Variants in APBB1 observed in about 807,000 individuals in gnomAD.
The protein encoded by APBB1 is amyloid beta precursor protein binding family B member 1, also known as adaptor protein FE65a2.
APBB1 carries 22 observed loss-of-function variants against 78.4 expected under a neutral mutation model. The observed-to-expected ratio is 0.28, with a 90% CI of 0.20 to 0.40. APBB1 has a LOEUF of 0.40. APBB1 is among the 10% of genes least tolerant of loss of function. APBB1 has a pLI of 1.00. For missense variants in APBB1, 749 were observed against 932.4 expected, an observed-to-expected ratio of 0.80 and a Z score of 2.56; for synonymous variants, 369 against 372.7, an observed-to-expected ratio of 0.99 and a Z score of 0.12.
intron 2 of APBB1, among the ~76,000 whole-genome samples, chr11:6,406,398 T>C (rs1848801441): frequency 6.6e-6 from 1 of 152,170 alleles, no homozygotes. Context: ...ACTAGCTTTT[T>C]TTTTTTTAAC....
intron 1 of APBB1, among the ~76,000 whole-genome samples, chr11:6,417,651 A>G (rs1849154482): frequency 6.6e-6 from 1 of 152,230 alleles, no homozygotes; most frequent in Non-Finnish European, 1.5e-5. Context: ...TCAAGGAAAA[A>G]AAATGGTGGT....
At chr11:6,409,110 T>C (rs1356565735) in intron 2 of APBB1, among the ~76,000 whole-genome samples, 1 of 152,162 alleles carries the variant, frequency 6.6e-6, no homozygotes, top group Non-Finnish European at 1.5e-5. Context: ...CTCTCTGCCA[T>C]CCAGGCTGGA....
chr11:6,412,064 C>T (rs1427167329), intron 1 of APBB1, among the ~76,000 whole-genome samples: 2 of 152,226 alleles, frequency 1.3e-5, no homozygotes. Context: ...CCTCTGCCAG[C>T]CCTCATAATG....
intron 2 of APBB1, among the ~76,000 whole-genome samples, chr11:6,407,985 T>C (rs1393659846): frequency 6.6e-6 from 1 of 151,738 alleles, no homozygotes; most frequent in Non-Finnish European, 1.5e-5. Flanking sequence ...TTCACCTTGT[T>C]AGCCAGTATG....
At chr11:6,414,055 G>A (rs201174354) in intron 1 of APBB1, among the ~76,000 whole-genome samples, 90 of 151,926 alleles carry the variant, frequency 5.9e-4, no homozygotes, top group East Asian at 5.8e-3. Context: ...ACTGCCTTTC[G>A]GATAACGCCT....
chr11:6,402,900 G>A (rs1366589011), intron 6 of APBB1, 175 bp from the exon 7 acceptor site: 1 of 849,068 alleles, frequency 1.2e-6, no homozygotes, highest in African/African-American at 1.7e-5. Context: ...TGTCAGATGA[G>A]ACCCCAGCTA....
chr11:6,410,603 C>T, intron 2 of APBB1, 24 bp downstream of exon 2: 1 of 1,504,776 alleles, frequency 6.6e-7, no homozygotes, highest in Non-Finnish European at 8.9e-7. Flanking sequence ...CTCCCACATG[C>T]CCATGTCAAG....
intron 1 of APBB1, among the ~76,000 whole-genome samples, chr11:6,413,134 T>A (rs1210450215): frequency 1.3e-5 from 2 of 151,868 alleles, no homozygotes; most frequent in African/African-American, 4.8e-5. Flanking sequence ...CGATTTCAGT[T>A]ATTTCTCCCT....
At chr11:6,396,302 C>G in intron 12 of APBB1, 87 bp from the exon 13 acceptor site, 1 of 1,202,230 alleles carries the variant, frequency 8.3e-7, no homozygotes, top group Non-Finnish European at 1.2e-6. Flanking sequence ...CCCAATCAAA[C>G]CCAGGGCCTT....
upstream of APBB1, chr11:6,419,177 C>G (rs1486475649): frequency 3.1e-6 from 1 of 326,910 alleles, no homozygotes; most frequent in Non-Finnish European, 5.5e-6. Flanking sequence ...GGAGCGAGCT[C>G]GGCGGGCGCG....
Position 6,402,190 on chromosome 11 carries a change from T to C in APBB1, c.1274A>G (p.Gln425Arg). ...GWGEGKDLLLQLEDETLKLVE... is the reference protein window; with the variant it reads ...GWGEGKDLLLRLEDETLKLVE... ...TAGCTTTAGTGTCTCATCCTCCAGC[T>C]GCAGTAGCAGATCCTTTCCCTGCAG... Residue 425 changes from glutamine to arginine, a missense_variant, in exon 8 of 15, where the codon CAG becomes CGG. Gln to Arg is a conservative substitution (Grantham distance 43, BLOSUM62 1). Coordinates refer to ENST00000609360, the MANE Select transcript of APBB1 (RefSeq NM_001164.5). The C allele has an allele frequency of 6.2e-7, 1 of 1,613,922 alleles. No individual in the cohort carries two copies. Among genetic ancestry groups the C allele is most frequent in the Non-Finnish European group, 8.5e-7 (1 of 1,180,010 alleles).
chr11:6,399,123 G>A (rs1256119599), intron 12 of APBB1, among the ~76,000 whole-genome samples: 1 of 152,120 alleles, frequency 6.6e-6, no homozygotes, highest in Non-Finnish European at 1.5e-5. Context: ...ATGTTGGAGG[G>A]CCTCAAGGCT....
Position 6,403,072 on chromosome 11 carries a change from G to A in APBB1, c.1104+73C>T. On this transcript the variant is annotated intron_variant, in intron 6 of 14. Coordinates refer to ENST00000609360, the MANE Select transcript of APBB1 (RefSeq NM_001164.5). This position sits in a 1 kb window ranked among gnomAD's most constrained non-coding sequence, Gnocchi z 5.3. ...TGGGGAACTGCGCTGAGACCCCTCA[G>A]AGCACAACATTAGGGGCTGTCTGAC... 7.0e-7 allele frequency: 1 copy of A among 1,433,280 alleles called. No homozygotes were observed. Among genetic ancestry groups the A allele is most frequent in the Non-Finnish European group, 9.6e-7 (1 of 1,046,562 alleles). The allele number at this position is 1,433,280 out of a possible 1,614,324, so 88.8% of individuals were successfully genotyped here. A position where few individuals can be genotyped will look rare whatever the true frequency, so the allele number is the denominator to read the frequency against.
chr11:6,416,504 A>G (rs796217142), intron 1 of APBB1, among the ~76,000 whole-genome samples: 29 of 152,192 alleles, frequency 1.9e-4, no homozygotes, highest in Middle Eastern at 3.4e-3. Flanking sequence ...AGACCCACTC[A>G]TGTTTCCCAC....
Position 6,396,602 on chromosome 11 carries a change from C to G in APBB1, c.1673-387G>C, listed in dbSNP as rs571356169. The G allele has an allele frequency of 1.3e-5, 3 of 230,002 alleles. No individual in the cohort carries two copies. The South Asian group carries it at 1.9e-4, about 15-fold the overall frequency. 14.2% of individuals were successfully genotyped at this position (230,002 alleles called of 1,614,324 possible). ...CCCAAATCAGACCCTACAGGCCAGT[C>G]CTCTCCCAAGACCCAATTATTTTTT... On this transcript the variant is annotated intron_variant, in intron 12 of 14. Coordinates refer to ENST00000609360, the MANE Select transcript of APBB1 (RefSeq NM_001164.5).
At chr11:6,396,932 T>C (rs545611640) in intron 12 of APBB1, among the ~76,000 whole-genome samples, 35 of 152,356 alleles carry the variant, frequency 2.3e-4, no homozygotes, top group African/African-American at 7.9e-4. Flanking sequence ...AGAATGTCTA[T>C]AATGTGCTCA....
Position 6,411,979 on chromosome 11 carries a change from T to C in APBB1, c.-14-618A>G, listed in dbSNP as rs1040182898. ...CAGAGGGAGGGCGCTCGGCTGCAAT[T>C]CATGGCTTCTCTGGCCAGATGAAGC... On this transcript the variant is annotated intron_variant, in intron 1 of 14. Transcript: ENST00000609360. The surrounding 1 kb of genome is among the most constrained non-coding windows in gnomAD (Gnocchi z 5.2). 2.0e-5 allele frequency among the ~76,000 whole-genome samples: 3 copies of C among 152,200 alleles called. No individual in the cohort carries two copies. Among genetic ancestry groups the C allele is most frequent in the Admixed American group, 6.5e-5 (1 of 15,276 alleles).
intron 1 of APBB1, among the ~76,000 whole-genome samples, chr11:6,412,393 C>T (rs559535437): frequency 9.2e-5 from 14 of 152,218 alleles, no homozygotes; most frequent in East Asian, 3.9e-4. Flanking sequence ...CCTCGTGATC[C>T]GCCCACTTCG....
intron 1 of APBB1, among the ~76,000 whole-genome samples, chr11:6,417,641 T>A (rs1849153791): frequency 6.6e-6 from 1 of 152,020 alleles, no homozygotes; most frequent in African/African-American, 2.4e-5. Context: ...ATTAAAGTAG[T>A]CAAGGAAAAA....
Sources: gnomAD v4.1 joint callset for allele counts (sites outside exome capture counted in the v4.1 genomes callset) on GRCh38, gnomAD v4.1.1 for gene constraint, Gnocchi (gnomAD v3.1) non-coding constraint, MANE v1.5 for transcripts, NCBI Gene and HGNC (gene_info 2026-07-23, HGNC 2026-07-21) for gene names.